The following PLCH1 variants were observed in gnomAD, a reference collection of about 807,000 sequenced individuals.
PLCH1 encodes phospholipase C eta 1.
In PLCH1, 60 loss-of-function variants were observed where a neutral mutation model predicts 126.7. The observed-to-expected ratio is 0.47, with a 90% CI of 0.38 to 0.59. The LOEUF is 0.59. PLCH1 is among the 20% of genes least tolerant of loss of function. The probability of loss-of-function intolerance (pLI) is 0.00; values close to 1 mark genes in which losing one functional copy is unlikely to be tolerated. For synonymous variants in PLCH1, 719 were observed against 734.9 expected, an observed-to-expected ratio of 0.98 and a Z score of 0.35; for missense variants, 1,723 against 2,040.0, an observed-to-expected ratio of 0.84 and a Z score of 2.99.
intron 2 of PLCH1, among the ~76,000 whole-genome samples, chr3:155,662,074 T>C (rs1742227003): frequency 6.6e-6 from 1 of 152,154 alleles, no homozygotes; most frequent in Non-Finnish European, 1.5e-5. Flanking sequence ...CCCACATAGT[T>C]CAATGAAAGG....
intron 2 of PLCH1, among the ~76,000 whole-genome samples, chr3:155,660,181 G>C (rs966381211): frequency 6.6e-6 from 1 of 152,180 alleles, no homozygotes; most frequent in Non-Finnish European, 1.5e-5. Flanking sequence ...TGCCTAACAG[G>C]CTGAACACAA....
chr3:155,530,639 A>G (rs1722548543), intron 10 of PLCH1, among the ~76,000 whole-genome samples: 1 of 152,174 alleles, frequency 6.6e-6, no homozygotes, highest in African/African-American at 2.4e-5. Flanking sequence ...TCTCCACTGA[A>G]GTCTTGAACC....
At chr3:155,707,205 A>G (rs1746745218) in intron 1 of PLCH1, among the ~76,000 whole-genome samples, 1 of 152,158 alleles carries the variant, frequency 6.6e-6, no homozygotes, top group Non-Finnish European at 1.5e-5. Flanking sequence ...TGAGAAATAA[A>G]TTTCTGTTAT....
chr3:155,714,279 C>A (rs1193895354), intron 1 of PLCH1, among the ~76,000 whole-genome samples: 1 of 151,440 alleles, frequency 6.6e-6, no homozygotes, highest in East Asian at 1.9e-4. Flanking sequence ...TTACACAGGG[C>A]AGGGATGGGG....
At chr3:155,468,058 G>C (rs971299946) in intron 21 of PLCH1, among the ~76,000 whole-genome samples, 1 of 152,150 alleles carries the variant, frequency 6.6e-6, no homozygotes, top group African/African-American at 2.4e-5. Context: ...TCAAGACATA[G>C]TCAGTACAAT....
At position 155,709,703 on chromosome 3, in the gene PLCH1, G is replaced by A. The variant is rs142664420; in HGVS notation, c.-40-5439C>T. On this transcript the variant is annotated intron_variant, in intron 1 of 22. Transcript: ENST00000460012. ...ATAATCAAGGCTCAACTGCAGCCTCGACCTCCAGGGCTCAAGCAATCCTTC... is the reference window on the plus strand; with the variant it reads ...ATAATCAAGGCTCAACTGCAGCCTCAACCTCCAGGGCTCAAGCAATCCTTC... Among the ~76,000 whole-genome samples, 49 of 152,028 alleles carry A rather than the reference G, an allele frequency of 3.2e-4. No homozygotes were observed. The East Asian group carries it at 4.5e-3, about 14-fold the overall frequency.
rs567185566 is a variant in PLCH1 at position 155,681,969 on chromosome 3, T to G, written c.79+22177A>C. 1.5e-4 allele frequency among the ~76,000 whole-genome samples: 23 copies of G among 152,320 alleles called. 1 individual carries two copies. Among genetic ancestry groups the G allele is most frequent in the African/African-American group, 5.1e-4 (21 of 41,574 alleles). On this transcript the variant is annotated intron_variant, in intron 2 of 22. Transcript: ENST00000460012. ...GCACTAATCTTTCATCAAAATCCCT[T>G]GACCACTCAGTCATCCTTACTCAGC...
At chr3:155,683,767 T>C (rs1241109939) in intron 2 of PLCH1, among the ~76,000 whole-genome samples, 1 of 152,192 alleles carries the variant, frequency 6.6e-6, no homozygotes, top group Non-Finnish European at 1.5e-5. Context: ...CAAATATCTG[T>C]CCTGAGGACT....
chr3:155,667,582 AAAT>A (rs750007374), intron 2 of PLCH1, among the ~76,000 whole-genome samples: 1 of 152,162 alleles, frequency 6.6e-6, no homozygotes, highest in Non-Finnish European at 1.5e-5. Context: ...CTAAAATGAA[AAAT>A]AATAACTAGA....
chr3:155,681,194 T>C (rs955497515), intron 2 of PLCH1, among the ~76,000 whole-genome samples: 1 of 152,162 alleles, frequency 6.6e-6, no homozygotes, highest in African/African-American at 2.4e-5. Flanking sequence ...AATAACATTA[T>C]TTTTTAAAAG....
intron 4 of PLCH1, among the ~76,000 whole-genome samples, chr3:155,586,599 T>A (rs1472417844): frequency 6.6e-6 from 1 of 151,720 alleles, no homozygotes; most frequent in Non-Finnish European, 1.5e-5. Context: ...CCCAGCAACT[T>A]GTGAGGCTGA....
chr3:155,527,044 G>T (rs563929442), intron 10 of PLCH1, among the ~76,000 whole-genome samples: 1 of 152,242 alleles, frequency 6.6e-6, no homozygotes, highest in Admixed American at 6.5e-5. Context: ...CACCCACCAG[G>T]ATGGGTTCAA....
At chr3:155,462,055 G>A (rs4680182) in intron 21 of PLCH1, among the ~76,000 whole-genome samples, 59,500 of 152,132 alleles carry the variant, frequency 0.39, 15,207 homozygotes, top group African/African-American at 0.73. Flanking sequence ...TTCCCAGGCA[G>A]TATTGCTTCT....
intron 8 of PLCH1, among the ~76,000 whole-genome samples, chr3:155,563,562 A>T (rs954222654): frequency 1.3e-5 from 2 of 151,852 alleles, no homozygotes; most frequent in African/African-American, 4.8e-5. Flanking sequence ...CCTTGGATTC[A>T]CTGTGATAGC....
At chr3:155,583,359 G>T in intron 6 of PLCH1, 113 bp downstream of exon 6, 1 of 799,780 alleles carries the variant, frequency 1.3e-6, no homozygotes, top group Non-Finnish European at 2.0e-6. Flanking sequence ...GTGAACTAGT[G>T]ATATTTACCA....
At chr3:155,636,277 T>C (rs1025992206) in intron 2 of PLCH1, among the ~76,000 whole-genome samples, 1 of 152,130 alleles carries the variant, frequency 6.6e-6, no homozygotes, top group Non-Finnish European at 1.5e-5. Context: ...AGGCGCTGTT[T>C]TAAAAAAAGG....
intron 10 of PLCH1, among the ~76,000 whole-genome samples, chr3:155,541,690 GA>G (rs1724256213): frequency 6.6e-6 from 1 of 152,016 alleles, no homozygotes. Context: ...CAATAATAAT[GA>G]AAAAGTTTTA....
At chr3:155,518,599 T>G (rs1315122685) in intron 11 of PLCH1, among the ~76,000 whole-genome samples, 1 of 152,172 alleles carries the variant, frequency 6.6e-6, no homozygotes, top group Admixed American at 6.5e-5. Context: ...GGGAAATACA[T>G]CATCACAATC....
chr3:155,589,571 A>C (rs549319334), intron 4 of PLCH1, among the ~76,000 whole-genome samples: 41 of 152,324 alleles, frequency 2.7e-4, no homozygotes, highest in East Asian at 1.9e-4. Context: ...TATAACATAC[A>C]TAACAGGTGG....
Sources: gnomAD v4.1 joint callset for allele counts (sites outside exome capture counted in the v4.1 genomes callset) on GRCh38, gnomAD v4.1.1 for gene constraint, MANE v1.5 for transcripts, NCBI Gene and HGNC (gene_info 2026-07-23, HGNC 2026-07-21) for gene names.